Variants in ZNF91 observed in about 807,000 individuals in gnomAD.
ZNF91 encodes the protein zinc finger protein 91, also known as zinc finger protein 91 (HPF7, HTF10).
Under a neutral mutation model 12.6 loss-of-function variants are expected in ZNF91, and 7 were observed. The ratio of observed to expected loss-of-function variants is 0.55; its 90% CI spans 0.31 to 1.04. The LOEUF (loss-of-function observed/expected upper bound fraction) is 1.04. ZNF91 is among the 50% of genes least tolerant of loss of function. The pLI is 0.05. For synonymous variants in ZNF91, 453 were observed against 462.6 expected (o/e 0.98, Z 0.27); for missense variants, 1,217 against 1,385.4 (o/e 0.88, Z 1.93).
downstream of ZNF91, among the ~76,000 whole-genome samples, chr19:23,356,751 G>C (rs938406418): frequency 6.6e-6 from 1 of 151,412 alleles, no homozygotes; most frequent in Admixed American, 6.6e-5. Context: ...TTTTAAAAAA[G>C]TATTTTTATA....
intron 1 of ZNF91, among the ~76,000 whole-genome samples, chr19:23,378,229 G>A (rs1274852214): frequency 6.6e-6 from 1 of 152,144 alleles, no homozygotes; most frequent in African/African-American, 2.4e-5. Context: ...TCAGAAAAGT[G>A]TGAGCACCAA....
intron 3 of ZNF91, among the ~76,000 whole-genome samples, chr19:23,369,486 A>T (rs1178895137): frequency 7.9e-5 from 12 of 152,016 alleles, no homozygotes; most frequent in Admixed American, 1.3e-4. Context: ...CTGCCCGGCC[A>T]CCACCCCGTC....
At chr19:23,340,895 C>T (rs1327361842) in intron 3 of ZNF91, among the ~76,000 whole-genome samples, 1 of 150,994 alleles carries the variant, frequency 6.6e-6, no homozygotes, top group Non-Finnish European at 1.5e-5. Context: ...TCAGTACTTA[C>T]AAATAACTCA....
upstream of ZNF91, among the ~76,000 whole-genome samples, chr19:23,312,858 G>GT (rs1967494103): frequency 6.6e-6 from 1 of 152,184 alleles, no homozygotes; most frequent in Non-Finnish European, 1.5e-5. Context: ...AGAAAAGATT[G>GT]TCATCTTCCC....
At chr19:23,339,156 TA>T (rs935015279) in intron 3 of ZNF91, 1 of 150,814 alleles carries the variant, frequency 6.6e-6, no homozygotes, top group African/African-American at 2.4e-5. Context: ...AAGACACATA[TA>T]GATTAAAGGC....
downstream of ZNF91, chr19:23,357,613 A>G (rs1304610921): frequency 6.6e-6 from 1 of 152,238 alleles, no homozygotes; most frequent in East Asian, 1.9e-4. Flanking sequence ...CTAACAGTCC[A>G]TATGTGCTTG....
In ZNF91 at chr19:23,330,735, A is replaced by G. The variant is rs537675510; in HGVS notation, n.117-21638T>C. Among the ~76,000 whole-genome samples the G allele has an allele frequency of 2.6e-5, 4 of 152,306 alleles. No homozygotes were observed. In the South Asian group the frequency reaches 8.3e-4, roughly 32 times the overall value. On this transcript the variant is annotated intron_variant and non_coding_transcript_variant, in intron 1 of 1. Coordinates refer to the ZNF91 transcript ENST00000596528. ...GCCCTCCCTACTCCTCACTTTAAAA[A>G]ATTGAAATAGCTTGGTGAAGGGATG... is the stretch of plus-strand genomic sequence containing the variant.
upstream of ZNF91, among the ~76,000 whole-genome samples, chr19:23,315,620 T>C (rs1568365082): frequency 6.6e-6 from 1 of 151,970 alleles, no homozygotes; most frequent in African/African-American, 2.4e-5. Context: ...TTGTGACATA[T>C]TGCCTGGTGC....
intron 1 of ZNF91, chr19:23,324,017 T>C (rs1468950121): frequency 1.3e-5 from 2 of 149,144 alleles, no homozygotes; most frequent in African/African-American, 5.0e-5. Context: ...TCCTTTCTCT[T>C]CGTCTTCTCC....
intron 1 of ZNF91, among the ~76,000 whole-genome samples, chr19:23,323,148 C>T (rs1411915051): frequency 5.7e-5 from 8 of 139,338 alleles, no homozygotes; most frequent in Non-Finnish European, 9.5e-5. Flanking sequence ...CCTTTTCCTT[C>T]GCCTCTCCTC....
intron 1 of ZNF91, among the ~76,000 whole-genome samples, chr19:23,382,049 C>CAAAAAAAAAAAAAAAAAAAAGA (rs60814223): frequency 1.3e-5 from 1 of 79,402 alleles, no homozygotes; most frequent in Non-Finnish European, 2.7e-5. Context: ...AATCCTGAGA[C>CAAAAAAAAAAAAAAAAAAAAGA]AAAAAAAAAA....
At chr19:23,384,167 T>C (rs1260506526) in intron 1 of ZNF91, among the ~76,000 whole-genome samples, 1 of 152,154 alleles carries the variant, frequency 6.6e-6, no homozygotes, top group African/African-American at 2.4e-5. Flanking sequence ...GGTCAAACTA[T>C]CCCTGTTTGC....
intron 3 of ZNF91, among the ~76,000 whole-genome samples, chr19:23,366,456 G>C (rs997084421): frequency 1.3e-5 from 2 of 152,142 alleles, no homozygotes; most frequent in African/African-American, 4.8e-5. Flanking sequence ...AGAAAACCTA[G>C]ACAACATTAT....
intron 3 of ZNF91, among the ~76,000 whole-genome samples, chr19:23,367,187 G>A (rs1337989391): frequency 6.6e-6 from 1 of 152,174 alleles, no homozygotes; most frequent in East Asian, 1.9e-4. Context: ...AACTACTTGA[G>A]AGACTTAGGT....
chr19:23,373,561 T>C (rs1969380638), intron 3 of ZNF91, among the ~76,000 whole-genome samples, 181 bp downstream of exon 3: 2 of 151,862 alleles, frequency 1.3e-5, no homozygotes, highest in African/African-American at 4.8e-5. Context: ...GAAGGGAAAG[T>C]AGAATTCTTA....
At chr19:23,312,150 C>T (rs754556945), upstream of ZNF91, among the ~76,000 whole-genome samples, 7 of 152,104 alleles carry the variant, frequency 4.6e-5, no homozygotes, top group African/African-American at 7.2e-5. Flanking sequence ...TAACCCTAGC[C>T]CAGCAACAAC....
intron 3 of ZNF91, among the ~76,000 whole-genome samples, chr19:23,366,921 G>A (rs1969038864): frequency 6.6e-6 from 1 of 152,186 alleles, no homozygotes; most frequent in Non-Finnish European, 1.5e-5. Flanking sequence ...AAACTTTTCA[G>A]TCAAAAGCAA....
rs866886447 is a variant in ZNF91, at chr19:23,384,759, G to C, written c.31-9995C>G. 3 of 630,924 alleles carry C rather than the reference G, an allele frequency of 4.8e-6. 1 individual carries two copies. The Middle Eastern group carries it at 8.1e-4, about 171-fold the overall frequency. 39.1% of individuals were successfully genotyped at this position (630,924 alleles called of 1,614,324 possible). ...ACTAGGAGAAAGCACACCTGGGTCA[G>C]CTCCCCGGGCATAGTAAGTTCTTCC... On this transcript the variant is annotated intron_variant, in intron 1 of 3. Transcript: ENST00000300619.
At chr19:23,337,871 C>A (rs939084074), downstream of ZNF91, 2 of 151,882 alleles carry the variant, frequency 1.3e-5, no homozygotes, top group African/African-American at 4.8e-5. Context: ...AAAATACATT[C>A]AAAGATTCAA....
Sources: gnomAD v4.1 joint callset for allele counts (sites outside exome capture counted in the v4.1 genomes callset) on GRCh38, gnomAD v4.1.1 for gene constraint, MANE v1.5 for transcripts, NCBI Gene and HGNC (gene_info 2026-07-23, HGNC 2026-07-21) for gene names.